Variants in CEP112 observed in about 807,000 individuals in gnomAD.
The protein encoded by CEP112 is centrosomal protein of 112 kDa.
In CEP112, 127 loss-of-function variants were observed where a neutral mutation model predicts 153.0. That is an observed-to-expected ratio of 0.83 (90% CI 0.72 to 0.96). The LOEUF (loss-of-function observed/expected upper bound fraction) is 0.96. CEP112 is among the 40% of genes least tolerant of loss of function. The probability of loss-of-function intolerance (pLI) is 0.00; values close to 1 mark genes in which losing one functional copy is unlikely to be tolerated. For synonymous variants in CEP112, 358 were observed against 374.4 expected (o/e 0.96, Z 0.51); for missense variants, 1,089 against 1,101.2 (o/e 0.99, Z 0.16).
At chr17:66,051,880 C>T (rs1394059708) in intron 12 of CEP112, among the ~76,000 whole-genome samples, 2 of 122,122 alleles carry the variant, frequency 1.6e-5, no homozygotes, top group African/African-American at 5.3e-5. Flanking sequence ...TCCCAATAAA[C>T]CTATCATTAA....
chr17:65,836,252 CAAGT>C (rs757861515), intron 21 of CEP112, among the ~76,000 whole-genome samples: 11 of 152,088 alleles, frequency 7.2e-5, no homozygotes, highest in Non-Finnish European at 1.6e-4. Flanking sequence ...AATCAGAACA[CAAGT>C]AAGAAAATGG....
intron 23 of CEP112, among the ~76,000 whole-genome samples, chr17:65,732,296 T>G (rs1353879913): frequency 6.6e-6 from 1 of 152,220 alleles, no homozygotes; most frequent in Non-Finnish European, 1.5e-5. Flanking sequence ...GGAATCTTTT[T>G]TTTCTGGGCA....
intron 21 of CEP112, among the ~76,000 whole-genome samples, chr17:65,786,343 C>T (rs1157032754): frequency 6.6e-6 from 1 of 151,628 alleles, no homozygotes; most frequent in Non-Finnish European, 1.5e-5. Flanking sequence ...TTTTTCTGTA[C>T]ACAAGATTTT....
At chr17:65,642,844 T>C (rs1342691103) in intron 24 of CEP112, among the ~76,000 whole-genome samples, 1 of 152,236 alleles carries the variant, frequency 6.6e-6, no homozygotes, top group East Asian at 1.9e-4. Flanking sequence ...CACTCAACAC[T>C]GGTTCTGAAA....
chr17:65,701,897 T>G (rs1462247845), intron 23 of CEP112, among the ~76,000 whole-genome samples: 6 of 149,522 alleles, frequency 4.0e-5, no homozygotes, highest in African/African-American at 1.2e-4. Flanking sequence ...TTTTTTTTTT[T>G]GTTTTTTTTT....
At chr17:65,643,427 A>G (rs2045256275) in intron 24 of CEP112, among the ~76,000 whole-genome samples, 1 of 151,116 alleles carries the variant, frequency 6.6e-6, no homozygotes, top group South Asian at 2.1e-4. Context: ...CCTCCTGAGT[A>G]GCTGGGATTA....
At chr17:65,936,019 AAAGAG>A (rs1431327934) in intron 18 of CEP112, among the ~76,000 whole-genome samples, 11 of 152,160 alleles carry the variant, frequency 7.2e-5, no homozygotes, top group African/African-American at 1.7e-4. Flanking sequence ...ACTAAGAATA[AAAGAG>A]AAGACTCAAA....
At chr17:66,132,096 G>C (rs979051358) in intron 5 of CEP112, among the ~76,000 whole-genome samples, 4 of 144,248 alleles carry the variant, frequency 2.8e-5, no homozygotes, top group Admixed American at 7.3e-5. Flanking sequence ...TTGAACCCGG[G>C]AGGCGGAGGT....
intron 20 of CEP112, among the ~76,000 whole-genome samples, chr17:65,863,505 C>T (rs184478357): frequency 4.6e-5 from 7 of 152,114 alleles, no homozygotes; most frequent in African/African-American, 1.2e-4. Flanking sequence ...CGGTGGCTCA[C>T]GCCTGTAATC....
intron 4 of CEP112, among the ~76,000 whole-genome samples, chr17:66,133,663 C>A (rs1004570859): frequency 6.6e-6 from 1 of 152,236 alleles, no homozygotes; most frequent in South Asian, 2.1e-4. Context: ...ATTATGAACA[C>A]CTATTCTCTG....
At chr17:65,722,017 A>G (rs1196198242) in intron 23 of CEP112, among the ~76,000 whole-genome samples, 1 of 152,226 alleles carries the variant, frequency 6.6e-6, no homozygotes. Flanking sequence ...CATCCATTTT[A>G]GCAGCTCACA....
chr17:65,840,070 T>TA (rs1416708462), intron 21 of CEP112, among the ~76,000 whole-genome samples: 7 of 152,176 alleles, frequency 4.6e-5, no homozygotes, highest in African/African-American at 1.7e-4. Context: ...TTAACAATGA[T>TA]AAAATGCCCA....
chr17:65,679,977 A>G (rs2047434984), intron 24 of CEP112, among the ~76,000 whole-genome samples: 1 of 152,224 alleles, frequency 6.6e-6, no homozygotes, highest in African/African-American at 2.4e-5. Flanking sequence ...AAACCCAGAG[A>G]CCTAGGAAGG....
intron 1 of CEP112, among the ~76,000 whole-genome samples, chr17:66,186,950 C>T (rs1404777342): frequency 6.6e-6 from 1 of 152,188 alleles, no homozygotes; most frequent in Non-Finnish European, 1.5e-5. Context: ...TCAGAGAAAA[C>T]ACTCTTCCAC....
chr17:65,951,736 TTCCCCCG>T (rs1568281663), intron 18 of CEP112, among the ~76,000 whole-genome samples: 5 of 96,188 alleles, frequency 5.2e-5, no homozygotes, highest in African/African-American at 1.7e-4. Context: ...TGCTCTAATC[TTCCCCCG>T]CCCCCCCCTT....
rs192619763 is a variant in CEP112, at chr17:66,079,475, C to T, written c.769-9474G>A. On this transcript the variant is annotated intron_variant, in intron 8 of 26. Transcript: ENST00000535342. ...ATACTATTGAGCAAAAGAAGCAAGA[C>T]ATAAAAGAATATGAAAAGTTTAGTT... Among the ~76,000 whole-genome samples the T allele has an allele frequency of 1.1e-4, 17 of 152,138 alleles. No individual in the cohort carries two copies. In the East Asian group the frequency reaches 3.3e-3, roughly 29 times the overall value.
At chr17:65,957,747 C>T (rs1444334947) in intron 18 of CEP112, among the ~76,000 whole-genome samples, 2 of 151,728 alleles carry the variant, frequency 1.3e-5, no homozygotes, top group Non-Finnish European at 2.9e-5. Context: ...CTTTGGCAGC[C>T]TCTCCTCTCA....
At position 65,938,414 on chromosome 17, in the gene CEP112, T is replaced by TA. The variant is rs1555722412; in HGVS notation, c.1873-10726dup. The stretch of plus-strand genomic sequence containing the variant: ...GGGAGAAACACCCAAGAATGATCAA[T>TA]AAAAAAAAAAAAAAAAAAGAAAGAA... On this transcript the variant is annotated intron_variant, in intron 18 of 26. Coordinates refer to ENST00000535342, the MANE Select transcript of CEP112 (RefSeq NM_001199165.4). Among the ~76,000 whole-genome samples the TA allele has an allele frequency of 7.9e-3, 418 of 52,864 alleles. 1 individual carries two copies. Among genetic ancestry groups the TA allele is most frequent in the Middle Eastern group, 0.024 (2 of 82 alleles). 34.7% of individuals were successfully genotyped at this position (52,864 alleles called of 152,430 possible). A position where few individuals can be genotyped will look rare whatever the true frequency, so the allele number is the denominator to read the frequency against.
chr17:66,039,975 C>T (rs894960812), intron 12 of CEP112, among the ~76,000 whole-genome samples: 3 of 152,136 alleles, frequency 2.0e-5, no homozygotes, highest in Non-Finnish European at 4.4e-5. Flanking sequence ...GATGAGTTGT[C>T]TTCAGTTTTT....
Sources: allele counts gnomAD v4.1 joint callset (sites outside exome capture counted in the v4.1 genomes callset), GRCh38; gene constraint gnomAD v4.1.1; transcripts MANE v1.5; gene names NCBI Gene and HGNC (gene_info 2026-07-23, HGNC 2026-07-21).